The following IFNG-AS1 variants were observed in gnomAD, a reference collection of about 807,000 sequenced individuals.
The protein encoded by IFNG-AS1 is IFNG antisense RNA 1 (non-protein coding).
chr12:68,012,461 G>A (rs1880054700), intron 3 of IFNG-AS1, among the ~76,000 whole-genome samples: 1 of 152,160 alleles, frequency 6.6e-6, no homozygotes, highest in East Asian at 1.9e-4. Flanking sequence ...GCTCAACCAG[G>A]GGAATGCTGC....
intron 2 of IFNG-AS1, among the ~76,000 whole-genome samples, chr12:67,998,407 A>G (rs544119119): frequency 6.6e-6 from 1 of 151,790 alleles, no homozygotes; most frequent in Non-Finnish European, 1.5e-5. Context: ...AAGAATATCT[A>G]TTATGTGTCA....
At chr12:68,005,443 C>T (rs1879885012) in intron 2 of IFNG-AS1, among the ~76,000 whole-genome samples, 1 of 152,188 alleles carries the variant, frequency 6.6e-6, no homozygotes, top group South Asian at 2.1e-4. Context: ...ACACCCACCT[C>T]TTTGGAAATG....
chr12:68,018,132 C>T (rs536131662), intron 3 of IFNG-AS1, among the ~76,000 whole-genome samples: 18 of 152,238 alleles, frequency 1.2e-4, no homozygotes, highest in African/African-American at 1.7e-4. Context: ...GACCATTTCT[C>T]CTGCTTGCAT....
At chr12:68,017,489 G>A (rs990464457) in intron 3 of IFNG-AS1, among the ~76,000 whole-genome samples, 3 of 152,106 alleles carry the variant, frequency 2.0e-5, no homozygotes, top group African/African-American at 7.2e-5. Context: ...AAAGGATTGG[G>A]GATGAATTTT....
chr12:68,000,727 T>C (rs1432544794), intron 2 of IFNG-AS1, among the ~76,000 whole-genome samples: 1 of 152,182 alleles, frequency 6.6e-6, no homozygotes, highest in African/African-American at 2.4e-5. Flanking sequence ...AACATATTTA[T>C]TCCATAAATT....
At chr12:68,020,196 G>A (rs998127414) in intron 4 of IFNG-AS1, 8 of 152,110 alleles carry the variant, frequency 5.3e-5, no homozygotes, top group African/African-American at 1.7e-4. Context: ...ATCATGTCTT[G>A]AATCATGACA....
At chr12:68,007,158 C>T (rs1450597265) in intron 3 of IFNG-AS1, among the ~76,000 whole-genome samples, 1 of 152,172 alleles carries the variant, frequency 6.6e-6, no homozygotes, top group Non-Finnish European at 1.5e-5. Flanking sequence ...TGGGCATGTT[C>T]CCCTGTGCTT....
intron 3 of IFNG-AS1, among the ~76,000 whole-genome samples, chr12:68,009,906 T>G (rs1211056820): frequency 1.3e-5 from 2 of 152,202 alleles, no homozygotes; most frequent in East Asian, 1.9e-4. Context: ...GAAAGAATAA[T>G]TGATGAGTTT....
At chr12:68,005,171 A>G (rs1247602218) in intron 2 of IFNG-AS1, among the ~76,000 whole-genome samples, 2 of 152,216 alleles carry the variant, frequency 1.3e-5, no homozygotes, top group Admixed American at 6.5e-5. Context: ...GAAAAATTAA[A>G]GGGGGAGCGG....
At chr12:67,994,111 G>A (rs1879579569) in intron 1 of IFNG-AS1, among the ~76,000 whole-genome samples, 2 of 152,192 alleles carry the variant, frequency 1.3e-5, no homozygotes, top group African/African-American at 4.8e-5. Context: ...AGTAGAGGAA[G>A]GCAGTCATCA....
At chr12:68,009,346 GT>G (rs1879974235) in intron 3 of IFNG-AS1, among the ~76,000 whole-genome samples, 1 of 151,804 alleles carries the variant, frequency 6.6e-6, no homozygotes, top group African/African-American at 2.4e-5. Flanking sequence ...TTTTGTTTTT[GT>G]TTTGTTTTGT....
intron 1 of IFNG-AS1, among the ~76,000 whole-genome samples, chr12:67,991,128 G>C (rs1457568456): frequency 3.3e-5 from 5 of 152,152 alleles, no homozygotes; most frequent in Non-Finnish European, 5.9e-5. Context: ...ATGGAGTCTA[G>C]ACTTGGTCCT....
chr12:68,003,435 T>TC (rs1207200040), intron 2 of IFNG-AS1, among the ~76,000 whole-genome samples: 1 of 151,746 alleles, frequency 6.6e-6, no homozygotes, highest in African/African-American at 2.4e-5. Flanking sequence ...CTTTTTTTTT[T>TC]TTTTTGCATT....
rs1277899662 is a variant in IFNG-AS1 at position 67,996,307 on chromosome 12, G to C, written n.184+234G>C. On this transcript the variant is annotated intron_variant and non_coding_transcript_variant, in intron 2 of 5. Coordinates refer to ENST00000536914, the Ensembl canonical transcript of IFNG-AS1. ...AGTAAAGCAGAGGCCATGTGAATGAGTTTTGTCTTTATTCTGATACAAATG... is the reference window on the plus strand; with the variant it reads ...AGTAAAGCAGAGGCCATGTGAATGACTTTTGTCTTTATTCTGATACAAATG... Among the ~76,000 whole-genome samples the C allele has an allele frequency of 3.3e-5, 5 of 152,296 alleles. No individual in the cohort carries two copies. The East Asian group carries it at 7.7e-4, about 23-fold the overall frequency.
chr12:68,019,744 G>C (rs904415477), intron 3 of IFNG-AS1: 1 of 152,214 alleles, frequency 6.6e-6, no homozygotes, highest in African/African-American at 2.4e-5. Context: ...TGGGTGGACT[G>C]AACAAATTGG....
chr12:68,003,346 A>G (rs527868854), intron 2 of IFNG-AS1, among the ~76,000 whole-genome samples: 2 of 151,494 alleles, frequency 1.3e-5, no homozygotes, highest in African/African-American at 4.8e-5. Context: ...AATGGAGTTG[A>G]GTGAGTCCCA....
intron 2 of IFNG-AS1, chr12:68,005,944 A>G (rs1460132448): frequency 6.6e-6 from 1 of 152,242 alleles, no homozygotes; most frequent in Non-Finnish European, 1.5e-5. Flanking sequence ...ATCTCAGACC[A>G]GCTAAGACTG....
intron 1 of IFNG-AS1, among the ~76,000 whole-genome samples, chr12:67,990,003 C>T (rs558871492): frequency 3.3e-5 from 5 of 152,126 alleles, no homozygotes; most frequent in African/African-American, 9.6e-5. Context: ...ATGCCATGGG[C>T]GCCGTACTCA....
chr12:68,004,093 G>T (rs894868212), intron 2 of IFNG-AS1, among the ~76,000 whole-genome samples: 1 of 152,076 alleles, frequency 6.6e-6, no homozygotes, highest in Non-Finnish European at 1.5e-5. Flanking sequence ...GAGTGGGCTT[G>T]GGTATGCACC....
Sources: allele counts gnomAD v4.1 joint callset (sites outside exome capture counted in the v4.1 genomes callset), GRCh38; gene constraint gnomAD v4.1.1; transcripts MANE v1.5; gene names NCBI Gene and HGNC (gene_info 2026-07-23, HGNC 2026-07-21).